Variants in CEP112 observed in about 807,000 individuals in gnomAD.
CEP112 encodes the protein centrosomal protein of 112 kDa.
Under a neutral mutation model 153.0 loss-of-function variants are expected in CEP112, and 127 were observed. The ratio of observed to expected loss-of-function variants is 0.83; its 90% confidence interval spans 0.72 to 0.96. The LOEUF is 0.96. CEP112 is among the 40% of genes least tolerant of loss of function. The pLI is 0.00. For missense variants in CEP112, 1,089 were observed against 1,101.2 expected (o/e 0.99, Z 0.16); for synonymous variants, 358 against 374.4 (o/e 0.96, Z 0.51).
chr17:66,119,160 A>G (rs909932328), intron 6 of CEP112, among the ~76,000 whole-genome samples: 1 of 152,150 alleles, frequency 6.6e-6, no homozygotes, highest in African/African-American at 2.4e-5. Flanking sequence ...ACATGGACAC[A>G]GGGAAGGGAA....
chr17:65,719,176 G>A (rs1378420796), intron 23 of CEP112, among the ~76,000 whole-genome samples: 1 of 152,216 alleles, frequency 6.6e-6, no homozygotes, highest in African/African-American at 2.4e-5. Flanking sequence ...GAACAGCCCT[G>A]TTCTTGCCAG....
chr17:66,019,302 A>G (rs1598125784), intron 16 of CEP112, among the ~76,000 whole-genome samples: 1 of 21,788 alleles, frequency 4.6e-5, no homozygotes. Flanking sequence ...GCACACCTGT[A>G]ACACTAACAA....
At chr17:65,837,717 A>G (rs919248095) in intron 21 of CEP112, among the ~76,000 whole-genome samples, 1 of 152,226 alleles carries the variant, frequency 6.6e-6, no homozygotes, top group African/African-American at 2.4e-5. Flanking sequence ...AAGTAGACAT[A>G]GGAGACTCCA....
intron 18 of CEP112, among the ~76,000 whole-genome samples, chr17:65,929,040 G>T (rs960627642): frequency 2.0e-5 from 3 of 152,166 alleles, no homozygotes; most frequent in East Asian, 1.9e-4. Context: ...GTTGCCTAGG[G>T]TGAGATGGTG....
intron 20 of CEP112, among the ~76,000 whole-genome samples, chr17:65,887,653 G>C (rs2146680702): frequency 6.6e-6 from 1 of 152,296 alleles, no homozygotes; most frequent in East Asian, 1.9e-4. Flanking sequence ...GGATGCAGGA[G>C]AGAGATAATA....
chr17:65,669,193 A>T (rs1159820854), intron 24 of CEP112, among the ~76,000 whole-genome samples: 1 of 152,202 alleles, frequency 6.6e-6, no homozygotes, highest in South Asian at 2.1e-4. Context: ...GTTAAGATTA[A>T]TTCTTTTACT....
At chr17:66,002,307 C>T (rs1385764057) in intron 17 of CEP112, among the ~76,000 whole-genome samples, 1 of 152,128 alleles carries the variant, frequency 6.6e-6, no homozygotes, top group Non-Finnish European at 1.5e-5. Context: ...TCAACTTTTC[C>T]ATTAACATCT....
intron 1 of CEP112, among the ~76,000 whole-genome samples, chr17:66,189,428 C>G (rs993275053): frequency 6.6e-6 from 1 of 151,222 alleles, no homozygotes; most frequent in Non-Finnish European, 1.5e-5. Flanking sequence ...CGCTTGAACC[C>G]GGGAGGCGGA....
chr17:66,092,274 G>A lies in CEP112; in HGVS notation c.768+3977C>T, dbSNP rs531690844. On this transcript the variant is annotated intron_variant, in intron 8 of 26. Transcript: ENST00000535342. ...AGGCTAATCTCAAACTGCTGACCTC[G>A]GGTTATCTGCCCACCTCAGCCTCCC... Among the ~76,000 whole-genome samples, 74 of 150,616 alleles carry A rather than the reference G, an allele frequency of 4.9e-4. 1 individual carries two copies. Among genetic ancestry groups the A allele is most frequent in the South Asian group, 2.5e-3 (12 of 4,738 alleles).
chr17:65,958,324 CT>C (rs1222485383), intron 18 of CEP112, among the ~76,000 whole-genome samples: 6 of 152,054 alleles, frequency 3.9e-5, no homozygotes, highest in South Asian at 4.1e-4. Flanking sequence ...GGAATCACCA[CT>C]TTTTTTTACT....
intron 23 of CEP112, among the ~76,000 whole-genome samples, chr17:65,705,951 C>CCA (rs1486695677): frequency 4.6e-5 from 7 of 152,078 alleles, no homozygotes; most frequent in African/African-American, 1.7e-4. Context: ...CTGAAATACA[C>CCA]AGTGTAAAAC....
intron 21 of CEP112, among the ~76,000 whole-genome samples, chr17:65,770,777 A>T (rs2053302835): frequency 6.6e-6 from 1 of 152,084 alleles, no homozygotes; most frequent in African/African-American, 2.4e-5. Context: ...TGTAATTAAG[A>T]TGTATATAAT....
intron 20 of CEP112, among the ~76,000 whole-genome samples, chr17:65,859,680 C>CTTGTATTCACAAGT (rs1568127483): frequency 6.7e-6 from 1 of 150,102 alleles, no homozygotes; most frequent in East Asian, 1.9e-4. Flanking sequence ...CTACTATCAT[C>CTTGTATTCACAAGT]ACTTGTATTC....
At position 65,957,571 on chromosome 17, in the gene CEP112, T is replaced by C. The variant is rs186280851; in HGVS notation, c.1872+3892A>G. Among the ~76,000 whole-genome samples the C allele has an allele frequency of 8.2e-4, 125 of 152,298 alleles. 1 individual carries two copies. Among genetic ancestry groups the C allele is most frequent in the Non-Finnish European group, 1.4e-3 (97 of 68,008 alleles). On this transcript the variant is annotated intron_variant, in intron 18 of 26. Coordinates refer to ENST00000535342, the MANE Select transcript of CEP112 (RefSeq NM_001199165.4). ...TTCATCATCCATTTATTCTAACTTT[T>C]GTGTTAACTTTATTTTAGTTATTAG...
chr17:65,898,264 C>T (rs930188343), intron 20 of CEP112, among the ~76,000 whole-genome samples: 3 of 152,054 alleles, frequency 2.0e-5, no homozygotes, highest in Non-Finnish European at 1.5e-5. Context: ...GTTAAATTTA[C>T]CCTTCGAGTA....
chr17:65,752,196 C>G (rs566584477), intron 21 of CEP112, among the ~76,000 whole-genome samples: 2 of 152,188 alleles, frequency 1.3e-5, no homozygotes, highest in African/African-American at 2.4e-5. Flanking sequence ...TGGTCTTTGT[C>G]TTTCACTTTA....
intron 23 of CEP112, among the ~76,000 whole-genome samples, chr17:65,716,001 T>C (rs2049488329): frequency 6.6e-6 from 1 of 152,166 alleles, no homozygotes; most frequent in Admixed American, 6.5e-5. Context: ...GTTTTATTGG[T>C]TGATAGATGT....
chr17:65,970,514 C>G (rs919182424), intron 17 of CEP112, among the ~76,000 whole-genome samples: 42 of 151,444 alleles, frequency 2.8e-4, no homozygotes, highest in African/African-American at 9.5e-4. Flanking sequence ...TATATGCATG[C>G]ATATTAAATA....
At chr17:65,902,035 A>G in intron 20 of CEP112, 117 bp downstream of exon 20, 1 of 349,924 alleles carries the variant, frequency 2.9e-6, no homozygotes. Context: ...TCACATTTAT[A>G]TGTCAGTTTT....
Sources: allele counts gnomAD v4.1 joint callset (sites outside exome capture counted in the v4.1 genomes callset), GRCh38; gene constraint gnomAD v4.1.1; transcripts MANE v1.5; gene names NCBI Gene and HGNC (gene_info 2026-07-23, HGNC 2026-07-21).